The following TTC23L variants were observed in gnomAD, a reference collection of about 807,000 sequenced individuals.
TTC23L encodes the protein tetratricopeptide repeat domain 23 like, also known as tetratricopeptide repeat protein 23-like.
Under a neutral mutation model 48.1 loss-of-function variants are expected in TTC23L, and 42 were observed. The observed-to-expected ratio is 0.87, with a 90% CI of 0.68 to 1.13. TTC23L has a LOEUF of 1.13. TTC23L is among the 50% of genes most tolerant of loss of function. The pLI is 0.00. For synonymous variants in TTC23L, 159 were observed against 157.2 expected, an observed-to-expected ratio of 1.01 and a Z score of -0.09; for missense variants, 391 against 421.0, an observed-to-expected ratio of 0.93 and a Z score of 0.62.
chr5:34,914,552 T>G, the TTC23L span: 1 of 755,296 alleles, frequency 1.3e-6, no homozygotes, highest in Non-Finnish European at 2.1e-6. Context: ...CTTAAGACTA[T>G]TATTTATTTA....
At chr5:34,850,935 G>A (rs1323464567) in intron 4 of TTC23L, among the ~76,000 whole-genome samples, 3 of 152,160 alleles carry the variant, frequency 2.0e-5, no homozygotes, top group African/African-American at 7.2e-5. Flanking sequence ...AGGCGAGAGC[G>A]CATTTCAGGA....
chr5:34,859,840 C>CTTTTTT (rs10590697), intron 4 of TTC23L, among the ~76,000 whole-genome samples: 163 of 95,348 alleles, frequency 1.7e-3, no homozygotes, highest in East Asian at 3.8e-3. Flanking sequence ...TTTTCTTCTT[C>CTTTTTT]TTTTTTTTTT....
chr5:34,897,043 C>G (rs2111865357), intron 10 of TTC23L, among the ~76,000 whole-genome samples, 168 bp downstream of exon 10: 1 of 151,428 alleles, frequency 6.6e-6, no homozygotes, highest in Middle Eastern at 3.4e-3. Context: ...CAGGTTTAAA[C>G]AAAGTGACAC....
intron 7 of TTC23L, 108 bp from the exon 8 acceptor site, chr5:34,868,797 C>A: frequency 1.2e-6 from 1 of 857,302 alleles, no homozygotes. Context: ...TTGCACAAGA[C>A]TCATAGCTAG....
chr5:34,868,679 G>A, intron 7 of TTC23L: 5 of 409,198 alleles, frequency 1.2e-5, no homozygotes, highest in South Asian at 1.0e-4. Flanking sequence ...AACTTACCAC[G>A]TGATGAGCAC....
chr5:34,840,690 C>G, exon 2 of TTC23L: 1 of 1,613,932 alleles, frequency 6.2e-7, no homozygotes, highest in Non-Finnish European at 8.5e-7. Flanking sequence ...CAGCCCCATC[C>G]GTATCCCAAC....
intron 2 of TTC23L, among the ~76,000 whole-genome samples, chr5:34,841,074 T>C (rs1440410673): frequency 6.6e-6 from 1 of 151,962 alleles, no homozygotes; most frequent in Admixed American, 6.6e-5. Context: ...AAAAGAAGGT[T>C]GTGTTTCTGA....
chr5:34,909,376 C>T, the TTC23L span: 2 of 1,490,536 alleles, frequency 1.3e-6, no homozygotes. Flanking sequence ...ATGATTACCT[C>T]ATTTATTCAT....
At chr5:34,908,969 C>T in the TTC23L span, 21 of 1,582,012 alleles carry the variant, frequency 1.3e-5, no homozygotes, top group African/African-American at 6.8e-5. Context: ...AAAAATAAAA[C>T]GCTGTTATAT....
At chr5:34,878,583 T>C (rs770265644) in intron 8 of TTC23L, among the ~76,000 whole-genome samples, 21 of 152,184 alleles carry the variant, frequency 1.4e-4, no homozygotes, top group South Asian at 4.1e-4. Flanking sequence ...GGACTAACAC[T>C]ACCCAACTTC....
intron 7 of TTC23L, 51 bp from the exon 8 acceptor site, chr5:34,868,854 A>C (rs1761244407): frequency 3.3e-6 from 5 of 1,499,318 alleles, no homozygotes. Flanking sequence ...CTAAATCCAC[A>C]GTGAACACTG....
At chr5:34,896,158 A>C (rs1763211452) in intron 9 of TTC23L, among the ~76,000 whole-genome samples, 1 of 152,196 alleles carries the variant, frequency 6.6e-6, no homozygotes, top group Admixed American at 6.5e-5. Context: ...AGGGCTGCTA[A>C]GCCACAGTGA....
intron 10 of TTC23L, among the ~76,000 whole-genome samples, chr5:34,897,298 T>C (rs937342235): frequency 1.3e-5 from 2 of 151,938 alleles, no homozygotes; most frequent in African/African-American, 2.4e-5. Context: ...GGCAGGAGAA[T>C]TGCTTGACCT....
chr5:34,887,469 G>C (rs1452370153), intron 9 of TTC23L, among the ~76,000 whole-genome samples: 1 of 152,146 alleles, frequency 6.6e-6, no homozygotes, highest in Non-Finnish European at 1.5e-5. Context: ...CTCTTAACAT[G>C]GAGTGATACT....
the TTC23L span, chr5:34,923,390 C>T: frequency 3.2e-6 from 2 of 618,970 alleles, no homozygotes; most frequent in Admixed American, 2.8e-5. Flanking sequence ...AGCTTCTGCT[C>T]CCTCAGTCTC....
intron 3 of TTC23L, 50 bp downstream of exon 3, chr5:34,845,723 C>T: frequency 2.0e-6 from 3 of 1,535,140 alleles, no homozygotes; most frequent in Non-Finnish European, 2.6e-6. Flanking sequence ...AAATATGTTC[C>T]TGTTTAGAGA....
At chr5:34,850,120 A>G (rs1410568212) in intron 3 of TTC23L, 65 bp from the exon 4 acceptor site, 5 of 1,573,682 alleles carry the variant, frequency 3.2e-6, no homozygotes, top group Non-Finnish European at 4.3e-6. Flanking sequence ...TGTTCCAGTG[A>G]TAAGTCCATG....
chr5:34,843,779 A>G (rs368249523), intron 2 of TTC23L, among the ~76,000 whole-genome samples: 45 of 152,312 alleles, frequency 3.0e-4, no homozygotes, highest in African/African-American at 1.1e-3. Context: ...ATATTTTTCA[A>G]ACATTCTAAA....
intron 9 of TTC23L, among the ~76,000 whole-genome samples, chr5:34,889,692 T>C (rs1027639430): frequency 2.0e-5 from 3 of 152,200 alleles, no homozygotes; most frequent in African/African-American, 7.2e-5. Context: ...TGTTGGTGTA[T>C]ATGAAAGCAT....
Sources: gnomAD v4.1 joint callset for allele counts (sites outside exome capture counted in the v4.1 genomes callset) on GRCh38, gnomAD v4.1.1 for gene constraint, MANE v1.5 for transcripts, NCBI Gene and HGNC (gene_info 2026-07-23, HGNC 2026-07-21) for gene names.